The following NAPA variants were observed in gnomAD, a reference collection of about 807,000 sequenced individuals.
The protein encoded by NAPA is NSF attachment protein alpha, also known as alpha-soluble NSF attachment protein.
A neutral mutation model predicts 48.0 loss-of-function variants in NAPA; 18 were observed. That is an observed-to-expected ratio of 0.38 (90% CI 0.26 to 0.56). The LOEUF is 0.56. NAPA is among the 20% of genes least tolerant of loss of function. NAPA has a pLI of 0.77. For missense variants in NAPA, 315 were observed against 385.0 expected (o/e 0.82, Z 1.52); for synonymous variants, 152 against 149.9 (o/e 1.01, Z -0.10).
chr19:47,499,313 G>A (rs1037400255), intron 3 of NAPA, among the ~76,000 whole-genome samples: 2 of 152,248 alleles, frequency 1.3e-5, no homozygotes, highest in Non-Finnish European at 2.9e-5. Flanking sequence ...CACTCCAGAT[G>A]GGGCAGCAGC....
chr19:47,494,790 G>A (rs1187779963), intron 4 of NAPA, among the ~76,000 whole-genome samples: 5 of 146,082 alleles, frequency 3.4e-5, no homozygotes, highest in Non-Finnish European at 6.0e-5. Flanking sequence ...CAGGAGCCCC[G>A]GCCTGGGTGG....
At chr19:47,495,858 C>T (rs572271131) in intron 3 of NAPA, 9 of 496,736 alleles carry the variant, frequency 1.8e-5, no homozygotes, top group East Asian at 1.5e-4. Flanking sequence ...CTTCTCTCCT[C>T]GGGCTGCCAG....
At chr19:47,492,466 G>C in intron 7 of NAPA, 1 of 410,310 alleles carries the variant, frequency 2.4e-6, no homozygotes. Context: ...CAGGCGGTGG[G>C]AACATGAGAG....
At chr19:47,507,989 TAAG>T (rs1968726328) in intron 1 of NAPA, among the ~76,000 whole-genome samples, 1 of 151,934 alleles carries the variant, frequency 6.6e-6, no homozygotes, top group African/African-American at 2.4e-5. Context: ...CTTGGGAAAA[TAAG>T]GAGGGAGGAC....
At chr19:47,494,423 C>T (rs1041496588) in intron 4 of NAPA, among the ~76,000 whole-genome samples, 10 of 152,052 alleles carry the variant, frequency 6.6e-5, no homozygotes, top group African/African-American at 2.4e-4. Context: ...AGGGCTGAGA[C>T]AGACAGGGCA....
At chr19:47,488,916 C>CAAAA in intron 10 of NAPA, 1 of 94,080 alleles carries the variant, frequency 1.1e-5, no homozygotes, top group Non-Finnish European at 2.2e-5. Context: ...GACTCCGTCT[C>CAAAA]AAAAAAAAAA....
intron 1 of NAPA, among the ~76,000 whole-genome samples, chr19:47,504,967 G>T (rs1304158089): frequency 6.6e-6 from 1 of 152,120 alleles, no homozygotes; most frequent in Non-Finnish European, 1.5e-5. Flanking sequence ...ACCCTGTTTG[G>T]GCAGCTTCAC....
intron 3 of NAPA, among the ~76,000 whole-genome samples, chr19:47,500,414 G>T (rs1467599101): frequency 1.3e-5 from 2 of 152,346 alleles, no homozygotes; most frequent in East Asian, 3.9e-4. Flanking sequence ...CGACACGGTA[G>T]ATAGGGGGGC....
chr19:47,508,968 T>A (rs1359631441), intron 1 of NAPA, among the ~76,000 whole-genome samples: 2 of 151,840 alleles, frequency 1.3e-5, no homozygotes, highest in Non-Finnish European at 2.9e-5. Flanking sequence ...CCCAGCTACT[T>A]GGGAAGCTGA....
intron 9 of NAPA, among the ~76,000 whole-genome samples, 186 bp downstream of exon 9, chr19:47,490,602 C>T (rs1020409947): frequency 2.6e-5 from 4 of 151,678 alleles, no homozygotes; most frequent in African/African-American, 4.9e-5. Flanking sequence ...CCAGCACTCC[C>T]CGAGTTGTAC....
intron 1 of NAPA, among the ~76,000 whole-genome samples, chr19:47,514,253 T>C (rs1252807929): frequency 6.6e-6 from 1 of 151,982 alleles, no homozygotes; most frequent in East Asian, 1.9e-4. Context: ...CCTAGGATCA[T>C]CTAGCCCTGA....
At chr19:47,496,161 G>A (rs891046995) in intron 3 of NAPA, 1 of 158,084 alleles carries the variant, frequency 6.3e-6, no homozygotes, top group Non-Finnish European at 1.4e-5. Context: ...GAGGAGGCTG[G>A]ATGTCATCAA....
chr19:47,507,239 T>C (rs1266961757), intron 1 of NAPA, among the ~76,000 whole-genome samples: 1 of 152,050 alleles, frequency 6.6e-6, no homozygotes, highest in Non-Finnish European at 1.5e-5. Context: ...CTTTGCTCTC[T>C]CCCCCTCCAA....
At chr19:47,485,230 G>A (rs1303048190), downstream of NAPA, among the ~76,000 whole-genome samples, 1 of 152,046 alleles carries the variant, frequency 6.6e-6, no homozygotes, top group African/African-American at 2.4e-5. Flanking sequence ...CTATGTGCCC[G>A]GACGTCCTTT....
At chr19:47,500,906 C>T (rs376941597) in intron 2 of NAPA, among the ~76,000 whole-genome samples, 157 bp from the exon 3 acceptor site, 9 of 152,146 alleles carry the variant, frequency 5.9e-5, no homozygotes, top group African/African-American at 2.2e-4. Context: ...AGACCGAGGC[C>T]TAGAACTCAG....
In NAPA at chr19:47,492,716, G is replaced by A. The variant is rs563576817; in HGVS notation, c.561+245C>T. ...ACTCTGGGCCCCTCCAGGAAGCTCT[G>A]CGAGGGGTGTGGGAGGGGCACAGCC... On this transcript the variant is annotated intron_variant, in intron 7 of 10. Transcript: ENST00000263354. 2.6e-4 allele frequency: 170 copies of A among 657,698 alleles called. No individual in the cohort carries two copies. In the African/African-American group the frequency reaches 2.7e-3, roughly 10 times the overall value. The allele number at this position is 657,698 out of a possible 1,614,324, so 40.7% of individuals were successfully genotyped here. A position where few individuals can be genotyped will look rare whatever the true frequency, so the allele number is the denominator to read the frequency against.
At chr19:47,507,051 C>T (rs1968706466) in intron 1 of NAPA, 1 of 152,320 alleles carries the variant, frequency 6.6e-6, no homozygotes, top group Admixed American at 6.5e-5. Context: ...CTAGCTGGGC[C>T]TCCTCTCCTG....
Position 47,493,098 on chromosome 19 carries a change from G to A in NAPA, c.476+21C>T, listed in dbSNP as rs1230541941. On this transcript the variant is annotated intron_variant, in intron 6 of 10. Coordinates refer to ENST00000263354, the MANE Select transcript of NAPA (RefSeq NM_003827.4). The surrounding 1 kb of genome is among the most constrained non-coding windows in gnomAD (Gnocchi z 6.4). ...GTGGTGGCGGTCCCTGCGGGGCTGG[G>A]GCAGGCAGGAAGGGGGCTACCTGTT... The A allele has an allele frequency of 1.2e-6, 2 of 1,614,006 alleles. No individual in the cohort carries two copies. The highest frequency in any genetic ancestry group is 2.2e-5 in the East Asian group (1 of 44,870).
chr19:47,489,854 C>CCTGGGG (rs1968191683), intron 9 of NAPA, 93 bp from the exon 10 acceptor site: 5 of 1,378,750 alleles, frequency 3.6e-6, no homozygotes, highest in African/African-American at 1.4e-5. Flanking sequence ...GTATGCCAGG[C>CCTGGGG]CTGGGGCTGG....
Sources: allele counts gnomAD v4.1 joint callset (sites outside exome capture counted in the v4.1 genomes callset), GRCh38; gene constraint gnomAD v4.1.1; non-coding constraint Gnocchi (gnomAD v3.1); transcripts MANE v1.5; gene names NCBI Gene and HGNC (gene_info 2026-07-23, HGNC 2026-07-21).